FZR1: variants seen among roughly 807,000 people sequenced by gnomAD.
The protein encoded by FZR1 is fizzy-related protein homolog.
FZR1 carries 11 observed loss-of-function variants against 63.6 expected under a neutral mutation model. The observed-to-expected ratio is 0.17, with a 90% confidence interval of 0.11 to 0.29. The LOEUF (loss-of-function observed/expected upper bound fraction) is 0.29, where lower values mean the gene tolerates loss of function less well. FZR1 is among the 10% of genes least tolerant of loss of function. FZR1 has a pLI of 1.00. For synonymous variants in FZR1, 328 were observed against 297.9 expected (o/e 1.10, Z -1.04); for missense variants, 440 against 687.5 (o/e 0.64, Z 4.03).
In FZR1 at chr19:3,510,536, G is replaced by T. The variant is rs527997157; in HGVS notation, c.-35+4062G>T. Among the ~76,000 whole-genome samples the T allele has an allele frequency of 5.5e-4, 84 of 152,304 alleles. 2 individuals are homozygous for T. The highest frequency in any genetic ancestry group is 3.3e-4 in the Admixed American group (5 of 15,292). ...CTTCCTCTCTCCCAGATCAGATTTG[G>T]CCTGGGAACCTCTATATTCTCATCC... is the stretch of plus-strand genomic sequence containing the variant. On this transcript the variant is annotated intron_variant, in intron 1 of 13. Transcript: ENST00000441788.
chr19:3,519,128 C>G (rs551953148), intron 1 of FZR1, among the ~76,000 whole-genome samples: 24 of 152,326 alleles, frequency 1.6e-4, no homozygotes, highest in Middle Eastern at 3.4e-3. Context: ...GCCCCCCATG[C>G]GAGGCTGGGC....
At position 3,530,464 on chromosome 19, in the gene FZR1, A is replaced by G. The variant is rs1354353205; in HGVS notation, c.655-328A>G. On this transcript the variant is annotated intron_variant, in intron 7 of 13. Transcript: ENST00000441788. ...GGAGAGCGCATGGGAGAGCGCATGG[A>G]TGAGCGCATGGGAGAGCGCATGGGT... Among the ~76,000 whole-genome samples the G allele has an allele frequency of 1.6e-3, 75 of 48,178 alleles. 7 individuals are homozygous for G. Among genetic ancestry groups the G allele is most frequent in the South Asian group, 7.3e-3 (8 of 1,100 alleles). 31.6% of individuals were successfully genotyped at this position (48,178 alleles called of 152,430 possible).
chr19:3,515,462 C>T lies in FZR1; in HGVS notation c.-34-7494C>T, dbSNP rs914421589. Among the ~76,000 whole-genome samples, 1 of 152,128 alleles carries T rather than the reference C, an allele frequency of 6.6e-6. No individual in the cohort carries two copies. Among genetic ancestry groups the T allele is most frequent in the Non-Finnish European group, 1.5e-5 (1 of 68,032 alleles). On this transcript the variant is annotated intron_variant, in intron 1 of 13. Transcript: ENST00000441788. This position sits in a 1 kb window ranked among gnomAD's most constrained non-coding sequence, Gnocchi z 4.6. The stretch of plus-strand genomic sequence containing the variant: ...GTTTTTTTGAATACCTCACAGTTCA[C>T]GTGATACAGAATTCTAGAAGTACAG...
Position 3,535,227 on chromosome 19 carries a change from G to A in FZR1, c.*391G>A. 1 of 241,440 alleles carries A rather than the reference G, an allele frequency of 4.1e-6. No homozygotes were observed. Among genetic ancestry groups the A allele is most frequent in the Non-Finnish European group, 8.2e-6 (1 of 121,946 alleles). 15.0% of individuals were successfully genotyped at this position (241,440 alleles called of 1,614,324 possible). On this transcript the variant is annotated 3_prime_UTR_variant, in exon 14 of 14. Coordinates refer to ENST00000441788, the MANE Select transcript of FZR1 (RefSeq NM_016263.4). Reference sequence around the variant, plus strand: ...TCCTGGAACTGCCCACGTCTGCACAGAACAGACCACCAGACGCCAGGGCTG... The same window carrying A: ...TCCTGGAACTGCCCACGTCTGCACAAAACAGACCACCAGACGCCAGGGCTG...
Position 3,526,487 on chromosome 19 carries a change from C to G in FZR1, c.387+101C>G, listed in dbSNP as rs2083159773. 1.0e-6 allele frequency: 1 copy of G among 970,312 alleles called. No homozygotes were observed. The highest frequency in any genetic ancestry group is 1.5e-6 in the Non-Finnish European group (1 of 651,044). 60.1% of individuals were successfully genotyped at this position (970,312 alleles called of 1,614,324 possible). The stretch of plus-strand genomic sequence containing the variant: ...GCTCTGCCTCCCCGAGCCCGGTTCT[C>G]GGGCCCAGCCACGGCTCAGCACCCC... On this transcript the variant is annotated intron_variant, in intron 5 of 13. Transcript: ENST00000441788. The surrounding 1 kb of genome is among the most constrained non-coding windows in gnomAD (Gnocchi z 5.4).
intron 1 of FZR1, among the ~76,000 whole-genome samples, chr19:3,519,258 C>G (rs1436959894): frequency 6.6e-6 from 1 of 152,246 alleles, no homozygotes; most frequent in East Asian, 1.9e-4. Context: ...GCAAGGTGGC[C>G]TAGGCACAGG....
At chr19:3,530,735 T>C (rs1030668342) in intron 7 of FZR1, 57 bp from the exon 8 acceptor site, 1 of 1,322,988 alleles carries the variant, frequency 7.6e-7, no homozygotes, top group African/African-American at 1.4e-5. Flanking sequence ...AATGTACCCA[T>C]GGATAGACTG....
At chr19:3,522,586 G>A (rs754399635) in intron 1 of FZR1, among the ~76,000 whole-genome samples, 2 of 152,176 alleles carry the variant, frequency 1.3e-5, no homozygotes, top group South Asian at 2.1e-4. Flanking sequence ...AGACGCACAC[G>A]CACGTGGGTC....
chr19:3,530,140 A>G (rs1436258546), intron 7 of FZR1, among the ~76,000 whole-genome samples: 2 of 124,800 alleles, frequency 1.6e-5, no homozygotes, highest in South Asian at 2.9e-4. Context: ...GGGAGAGCGC[A>G]TGGGTGAGCA....
In FZR1 at chr19:3,526,262, G is replaced by T. The variant is rs753239356; in HGVS notation, c.263G>T (p.Gly88Val). 6 of 1,611,308 alleles carry T rather than the reference G, an allele frequency of 3.7e-6. No individual in the cohort carries two copies. Among genetic ancestry groups the T allele is most frequent in the Non-Finnish European group, 4.2e-6 (5 of 1,179,592 alleles). Residue 88 changes from glycine (G) to valine (V), a missense_variant, in exon 5 of 14, where the codon GGC becomes GTC. This residue lies in a region of FZR1 where 200 missense variants were observed against 245.1 expected (regional missense o/e 0.82). Coordinates refer to ENST00000441788, the MANE Select transcript of FZR1 (RefSeq NM_016263.4). The surrounding 1 kb of genome is among the most constrained non-coding windows in gnomAD (Gnocchi z 5.4). ...TCACTGTGCTTGGTGCCCGCAGACG[G>T]CCTGGCCTACTCTGCCCTGCTCAAG... The part of the protein sequence containing the change: ...KDATSDNGKD[G>V]LAYSALLKNE...
At chr19:3,518,648 G>A (rs1046628506) in intron 1 of FZR1, among the ~76,000 whole-genome samples, 12 of 152,220 alleles carry the variant, frequency 7.9e-5, no homozygotes, top group African/African-American at 2.9e-4. Flanking sequence ...GTCTGCTGGT[G>A]CCGTTGTCCA....
chr19:3,526,374 G>A lies in FZR1; in HGVS notation c.375G>A (p.Lys125=). The part of the protein sequence containing the change: ...RRLQPSTPEK[K]GLFTYSLSTK... ...TGCAGCCCTCCACGCCTGAGAAGAA[G>A]GGTCTGTTCACGGTAAGCCTGCGGC... is the stretch of plus-strand genomic sequence containing the variant. The change falls in exon 5 of 14, where the codon AAG becomes AAA. Residue 125 remains lysine (K), a synonymous_variant. Coordinates refer to ENST00000441788, the MANE Select transcript of FZR1 (RefSeq NM_016263.4). The surrounding 1 kb of genome is among the most constrained non-coding windows in gnomAD (Gnocchi z 5.4). 1 of 1,593,386 alleles carries A rather than the reference G, an allele frequency of 6.3e-7. No individual in the cohort carries two copies. Among genetic ancestry groups the A allele is most frequent in the Non-Finnish European group, 8.5e-7 (1 of 1,171,500 alleles).
rs2029948300 is a variant in FZR1 at position 3,536,033 on chromosome 19, A to G, written c.*1197A>G. On this transcript the variant is annotated 3_prime_UTR_variant, in exon 14 of 14. Coordinates refer to ENST00000441788, the MANE Select transcript of FZR1 (RefSeq NM_016263.4). ...ACCCCTTCCCATTTCATCGGTGGGG[A>G]CGTGGAGAGGGTGGGGCGGGCTGGG... 6.6e-6 allele frequency: 1 copy of G among 151,096 alleles called. No homozygotes were observed. Among genetic ancestry groups the G allele is most frequent in the Non-Finnish European group, 1.5e-5 (1 of 67,812 alleles). 9.4% of individuals were successfully genotyped at this position (151,096 alleles called of 1,614,324 possible).
Position 3,536,371 on chromosome 19 carries a change from C to G in FZR1, c.*1535C>G, listed in dbSNP as rs934030662. The G allele has an allele frequency of 4.6e-5, 7 of 152,220 alleles. No individual in the cohort carries two copies. The highest frequency in any genetic ancestry group is 1.7e-4 in the African/African-American group (7 of 41,442). The allele number at this position is 152,220 out of a possible 1,614,324, so 9.4% of individuals were successfully genotyped here. Reference sequence around the variant, plus strand: ...TCTCCCCACCTCTGTCTGGGTGGGGCGCGGACCCCTCACTGTGCGCCTGTG... The same window carrying G: ...TCTCCCCACCTCTGTCTGGGTGGGGGGCGGACCCCTCACTGTGCGCCTGTG... On this transcript the variant is annotated 3_prime_UTR_variant, in exon 14 of 14. Coordinates refer to ENST00000441788, the MANE Select transcript of FZR1 (RefSeq NM_016263.4).
chr19:3,536,440 A>C lies in FZR1; in HGVS notation c.*1604A>C, dbSNP rs1276786096. 3 of 151,952 alleles carry C rather than the reference A, an allele frequency of 2.0e-5. No individual in the cohort carries two copies. The highest frequency in any genetic ancestry group is 4.8e-5 in the African/African-American group (2 of 41,332). The allele number at this position is 151,952 out of a possible 1,614,324, so 9.4% of individuals were successfully genotyped here. On this transcript the variant is annotated 3_prime_UTR_variant, in exon 14 of 14. Transcript: ENST00000441788. ...GTGGCAGTGTGGATTTCCAGTGGTC[A>C]CGGTCTTACTGTTTCAAGGTTTTTA...
intron 6 of FZR1, among the ~76,000 whole-genome samples, 161 bp from the exon 7 acceptor site, chr19:3,527,470 C>CTGT (rs2083171675): frequency 6.6e-6 from 1 of 152,184 alleles, no homozygotes; most frequent in Non-Finnish European, 1.5e-5. Context: ...GGGTGAAGGC[C>CTGT]TGTGGGGCTG....
Position 3,526,474 on chromosome 19 carries a change from C to G in FZR1, c.387+88C>G. Reference sequence around the variant, plus strand: ...CTCCCAGGCACCAGCTCTGCCTCCCCGAGCCCGGTTCTCGGGCCCAGCCAC... The same window carrying G: ...CTCCCAGGCACCAGCTCTGCCTCCCGGAGCCCGGTTCTCGGGCCCAGCCAC... On this transcript the variant is annotated intron_variant, in intron 5 of 13. Transcript: ENST00000441788. This position sits in a 1 kb window ranked among gnomAD's most constrained non-coding sequence, Gnocchi z 5.4. 8.9e-7 allele frequency: 1 copy of G among 1,121,368 alleles called. No homozygotes were observed. Among genetic ancestry groups the G allele is most frequent in the Non-Finnish European group, 1.3e-6 (1 of 784,920 alleles). 69.5% of individuals were successfully genotyped at this position (1,121,368 alleles called of 1,614,324 possible).
chr19:3,534,152 C>G, intron 12 of FZR1: 1 of 347,040 alleles, frequency 2.9e-6, no homozygotes, highest in Non-Finnish European at 5.2e-6. Context: ...CCCAGGAGGT[C>G]AAGGCTGCAG....
intron 9 of FZR1, 43 bp from the exon 10 acceptor site, chr19:3,531,868 C>A: frequency 5.1e-6 from 8 of 1,559,698 alleles, no homozygotes; most frequent in Non-Finnish European, 6.9e-6. Context: ...CCCAGCTCCG[C>A]GAGGGCAGGA....
Sources: allele counts gnomAD v4.1 joint callset (sites outside exome capture counted in the v4.1 genomes callset), GRCh38; gene constraint gnomAD v4.1.1; regional missense constraint gnomAD v4.1.1; non-coding constraint Gnocchi (gnomAD v3.1); transcripts MANE v1.5; gene names NCBI Gene and HGNC (gene_info 2026-07-23, HGNC 2026-07-21).